Variants in STPG2 observed in about 807,000 individuals in gnomAD.
STPG2 encodes sperm tail PG-rich repeat containing 2.
A neutral mutation model predicts 54.2 loss-of-function variants in STPG2; 56 were observed. The observed-to-expected ratio is 1.03, with a 90% CI of 0.83 to 1.29. The LOEUF is 1.29. Ranked by LOEUF, STPG2 falls within the 50% of genes most tolerant of loss-of-function variation. The pLI, the probability that STPG2 is intolerant of heterozygous loss-of-function variation, is 0.00. For synonymous variants in STPG2, 200 were observed against 181.8 expected (o/e 1.10, Z -0.81); for missense variants, 596 against 544.9 (o/e 1.09, Z -0.93).
chr4:97,533,901 C>T (rs1731470848), intron 4 of STPG2, among the ~76,000 whole-genome samples: 1 of 152,010 alleles, frequency 6.6e-6, no homozygotes, highest in African/African-American at 2.4e-5. Context: ...TGAATACATA[C>T]TTTCCTGTCT....
intron 10 of STPG2, among the ~76,000 whole-genome samples, chr4:97,670,444 T>A (rs1049074942): frequency 6.6e-6 from 1 of 152,220 alleles, no homozygotes; most frequent in Non-Finnish European, 1.5e-5. Context: ...AAATAATCCA[T>A]TCAAATGATC....
intron 8 of STPG2, among the ~76,000 whole-genome samples, chr4:97,932,242 G>C (rs1291320887): frequency 6.6e-6 from 1 of 152,062 alleles, no homozygotes; most frequent in Admixed American, 6.6e-5. Flanking sequence ...ATTTCCTGCA[G>C]TTTAGCTCCG....
At chr4:97,945,890 C>A (rs1733196263) in intron 7 of STPG2, among the ~76,000 whole-genome samples, 1 of 152,038 alleles carries the variant, frequency 6.6e-6, no homozygotes, top group Non-Finnish European at 1.5e-5. Context: ...GAAACCCTAT[C>A]TCTACAAAAA....
At chr4:97,616,092 A>ATATATATATATG (rs764342142) in intron 10 of STPG2, among the ~76,000 whole-genome samples, 782 of 62,840 alleles carry the variant, frequency 0.012, 7 homozygotes, top group Non-Finnish European at 0.02. Context: ...ATATATATAT[A>ATATATATATATG]TATGTATGTA....
intron 8 of STPG2, among the ~76,000 whole-genome samples, chr4:97,899,072 C>A (rs1201057121): frequency 1.3e-5 from 2 of 151,746 alleles, no homozygotes; most frequent in East Asian, 1.9e-4. Flanking sequence ...TCTAGAAAAC[C>A]CCATAATCTC....
At chr4:97,939,255 G>A (rs1732884421) in intron 8 of STPG2, among the ~76,000 whole-genome samples, 1 of 152,180 alleles carries the variant, frequency 6.6e-6, no homozygotes, top group Non-Finnish European at 1.5e-5. Flanking sequence ...CAGAGTATGT[G>A]CCATGTGGCA....
In STPG2 at chr4:98,128,413, A is replaced by G; in HGVS notation, c.387+15T>C. On this transcript the variant is annotated intron_variant, in intron 3 of 10. Coordinates refer to ENST00000295268, the MANE Select transcript of STPG2 (RefSeq NM_174952.3). ...ACAATTTTCCAATTGTCAATATGAAATACATTATACTTACAAATTGAGGTT... is the reference window on the plus strand; with the variant it reads ...ACAATTTTCCAATTGTCAATATGAAGTACATTATACTTACAAATTGAGGTT... The G allele has an allele frequency of 6.5e-7, 1 of 1,549,546 alleles. No homozygotes were observed. Among genetic ancestry groups the G allele is most frequent in the East Asian group, 2.3e-5 (1 of 43,054 alleles).
chr4:97,706,370 C>T (rs1480741209), intron 10 of STPG2, among the ~76,000 whole-genome samples: 1 of 152,116 alleles, frequency 6.6e-6, no homozygotes, highest in Non-Finnish European at 1.5e-5. Context: ...ATTTGTAGGT[C>T]CTGAGGTAGA....
intron 9 of STPG2, among the ~76,000 whole-genome samples, chr4:97,714,314 G>A (rs1318437996): frequency 6.6e-6 from 1 of 152,012 alleles, no homozygotes; most frequent in East Asian, 1.9e-4. Context: ...CAAAATTTAA[G>A]ACAAAGAAGG....
At chr4:98,129,352 G>A (rs1739918589) in intron 2 of STPG2, among the ~76,000 whole-genome samples, 1 of 151,960 alleles carries the variant, frequency 6.6e-6, no homozygotes, top group Admixed American at 6.6e-5. Context: ...CTGACTTTTT[G>A]TTTCCACATT....
chr4:97,563,388 A>G (rs1307495872), intron 10 of STPG2, among the ~76,000 whole-genome samples: 5 of 152,116 alleles, frequency 3.3e-5, no homozygotes, highest in Non-Finnish European at 7.3e-5. Context: ...TCAAAAAACC[A>G]GCTCCTGGAT....
intron 10 of STPG2, among the ~76,000 whole-genome samples, chr4:97,569,608 T>C (rs115445395): frequency 4.9e-4 from 75 of 152,248 alleles, no homozygotes; most frequent in African/African-American, 1.7e-3. Flanking sequence ...AATAAATTGA[T>C]AGTAGATTAA....
intron 10 of STPG2, among the ~76,000 whole-genome samples, chr4:97,660,597 G>A (rs1338091376): frequency 6.6e-6 from 1 of 152,298 alleles, no homozygotes; most frequent in African/African-American, 2.4e-5. Context: ...AATATTTCCA[G>A]ATCTAGGATT....
At chr4:97,910,741 A>C (rs1731646671) in intron 8 of STPG2, among the ~76,000 whole-genome samples, 1 of 152,264 alleles carries the variant, frequency 6.6e-6, no homozygotes, top group Admixed American at 6.5e-5. Flanking sequence ...AACAGATGAC[A>C]ACACCAAGAT....
intron 10 of STPG2, among the ~76,000 whole-genome samples, chr4:97,637,182 T>C (rs971971350): frequency 3.3e-4 from 50 of 152,276 alleles, no homozygotes; most frequent in African/African-American, 1.2e-3. Flanking sequence ...GCAAGGCTGG[T>C]TCAATATATG....
At chr4:97,779,098 T>A (rs556468820) in intron 9 of STPG2, among the ~76,000 whole-genome samples, 2 of 151,982 alleles carry the variant, frequency 1.3e-5, no homozygotes, top group Non-Finnish European at 2.9e-5. Context: ...TTTTGATGAG[T>A]TGAGAGAAGA....
intron 9 of STPG2, among the ~76,000 whole-genome samples, chr4:97,829,491 C>T (rs758737823): frequency 1.3e-5 from 2 of 152,074 alleles, no homozygotes; most frequent in Non-Finnish European, 2.9e-5. Context: ...AACTCCTCAT[C>T]AGAAAGGTAA....
intron 9 of STPG2, among the ~76,000 whole-genome samples, chr4:97,803,317 A>G (rs1727452924): frequency 1.3e-5 from 2 of 152,236 alleles, no homozygotes; most frequent in African/African-American, 2.4e-5. Context: ...GTATTTCAAA[A>G]TGAGAAATAG....
chr4:97,601,473 T>C (rs1733459760), intron 10 of STPG2, among the ~76,000 whole-genome samples: 1 of 151,998 alleles, frequency 6.6e-6, no homozygotes, highest in Non-Finnish European at 1.5e-5. Flanking sequence ...GTTGTAAAAA[T>C]CCAATTTCTT....
Sources: gnomAD v4.1 joint callset for allele counts (sites outside exome capture counted in the v4.1 genomes callset) on GRCh38, gnomAD v4.1.1 for gene constraint, MANE v1.5 for transcripts, NCBI Gene and HGNC (gene_info 2026-07-23, HGNC 2026-07-21) for gene names.